DAB1: variants seen among roughly 807,000 people sequenced by gnomAD.
DAB1 encodes the protein DAB adaptor protein 1, also known as disabled homolog 1.
In DAB1, 15 loss-of-function variants were observed where a neutral mutation model predicts 64.6. That is an observed-to-expected ratio of 0.23 (90% CI 0.16 to 0.36). The LOEUF (loss-of-function observed/expected upper bound fraction) is 0.36, where lower values mean the gene tolerates loss of function less well. DAB1 is among the 10% of genes least tolerant of loss of function. The pLI, the probability that DAB1 is intolerant of heterozygous loss-of-function variation, is 1.00. For synonymous variants in DAB1, 235 were observed against 251.9 expected, an observed-to-expected ratio of 0.93 and a Z score of 0.64; for missense variants, 596 against 706.7, an observed-to-expected ratio of 0.84 and a Z score of 1.78.
At chr1:57,233,000 CATG>C (rs1667800422) in intron 2 of DAB1, among the ~76,000 whole-genome samples, 1 of 152,020 alleles carries the variant, frequency 6.6e-6, no homozygotes, top group Non-Finnish European at 1.5e-5. Flanking sequence ...GTTTTCATTG[CATG>C]ATATGTTATT....
intron 1 of DAB1, chr1:57,876,315 C>T (rs1201539945): frequency 6.6e-6 from 1 of 152,110 alleles, no homozygotes; most frequent in Non-Finnish European, 1.5e-5. Context: ...ATAACGATGT[C>T]CCCAGAAGGA....
intron 4 of DAB1, among the ~76,000 whole-genome samples, chr1:57,127,533 CT>C (rs1234044770): frequency 1.3e-5 from 2 of 151,964 alleles, no homozygotes; most frequent in Non-Finnish European, 2.9e-5. Context: ...TCTATTTTTT[CT>C]TTTTTGTCTC....
downstream of DAB1, among the ~76,000 whole-genome samples, chr1:57,825,378 A>T (rs1022472672): frequency 6.6e-6 from 1 of 152,232 alleles, no homozygotes; most frequent in South Asian, 2.1e-4. Flanking sequence ...GTAGAGAACA[A>T]GTAAGTGAGA....
At chr1:58,358,240 C>T (rs1205225160) in intron 3 of DAB1, among the ~76,000 whole-genome samples, 4 of 152,092 alleles carry the variant, frequency 2.6e-5, no homozygotes, top group Non-Finnish European at 5.9e-5. Context: ...TGAGAACAGT[C>T]GGGGAGTTAG....
chr1:57,073,218 G>A (rs1183720752), intron 4 of DAB1, among the ~76,000 whole-genome samples: 2 of 152,118 alleles, frequency 1.3e-5, no homozygotes, highest in East Asian at 1.9e-4. Flanking sequence ...TGCCTGGAAC[G>A]AACTTCCTTA....
intron 7 of DAB1, among the ~76,000 whole-genome samples, chr1:57,520,191 G>C (rs540461128): frequency 6.6e-6 from 1 of 152,306 alleles, no homozygotes; most frequent in South Asian, 2.1e-4. Flanking sequence ...ATGGTGACTG[G>C]AGCATAACTG....
chr1:57,274,703 C>A (rs1671314372), intron 2 of DAB1, among the ~76,000 whole-genome samples: 1 of 152,126 alleles, frequency 6.6e-6, no homozygotes, highest in African/African-American at 2.4e-5. Context: ...GCCTCAGCAT[C>A]CCAAGTAGCT....
At chr1:58,531,826 A>G (rs573305315) in intron 1 of DAB1, among the ~76,000 whole-genome samples, 1 of 152,068 alleles carries the variant, frequency 6.6e-6, no homozygotes, top group South Asian at 2.1e-4. Context: ...CTCCTGCCTC[A>G]GCCTCCCGAG....
At chr1:57,287,287 C>A (rs753637827) in intron 2 of DAB1, among the ~76,000 whole-genome samples, 1 of 152,174 alleles carries the variant, frequency 6.6e-6, no homozygotes, top group Non-Finnish European at 1.5e-5. Flanking sequence ...GTTGCCCAGG[C>A]TGGTCTCAAA....
rs527670308 is a variant in DAB1, at chr1:57,754,262, T to G, written n.552-104597A>C. Among the ~76,000 whole-genome samples, 42 of 152,358 alleles carry G rather than the reference T, an allele frequency of 2.8e-4. 2 individuals carry two copies. In the South Asian group the frequency reaches 8.5e-3, roughly 31 times the overall value. ...TATATGCCTGGCCCCTGTAAATATT[T>G]GAGTTTGCAACTCCCACTTTATGGA... is the stretch of plus-strand genomic sequence containing the variant. On this transcript the variant is annotated intron_variant and non_coding_transcript_variant, in intron 6 of 20. Coordinates refer to the DAB1 transcript ENST00000485760.
At chr1:57,487,095 G>A (rs1163982368) in intron 7 of DAB1, among the ~76,000 whole-genome samples, 2 of 152,190 alleles carry the variant, frequency 1.3e-5, no homozygotes, top group African/African-American at 4.8e-5. Context: ...GGACACAGAA[G>A]AGCAAGCCAG....
chr1:57,158,759 C>T (rs1206914649), intron 2 of DAB1, among the ~76,000 whole-genome samples: 1 of 145,098 alleles, frequency 6.9e-6, no homozygotes, highest in Middle Eastern at 3.4e-3. Context: ...GAAAAACACA[C>T]TTAGGGGGCT....
intron 1 of DAB1, among the ~76,000 whole-genome samples, chr1:57,872,229 C>T (rs1643964161): frequency 6.6e-6 from 1 of 152,150 alleles, no homozygotes; most frequent in Admixed American, 6.6e-5. Flanking sequence ...TGTGTTAAAA[C>T]CTAATTTCCA....
chr1:58,007,673 T>C (rs1346988377), intron 5 of DAB1, among the ~76,000 whole-genome samples: 2 of 152,112 alleles, frequency 1.3e-5, no homozygotes, highest in Non-Finnish European at 2.9e-5. Context: ...CTTTTGAGAG[T>C]TGCTCAAAAG....
intron 5 of DAB1, among the ~76,000 whole-genome samples, chr1:57,941,646 C>G (rs1272535803): frequency 1.3e-5 from 2 of 152,150 alleles, no homozygotes; most frequent in Non-Finnish European, 2.9e-5. Context: ...ACCATCCTGG[C>G]TAACATGGTG....
intron 5 of DAB1, among the ~76,000 whole-genome samples, chr1:58,051,195 C>G (rs927469147): frequency 6.6e-6 from 1 of 151,606 alleles, no homozygotes; most frequent in East Asian, 1.9e-4. Context: ...CTATTCCTCC[C>G]CCAGCCCCCC....
At chr1:58,454,305 C>A (rs1045089233) in intron 3 of DAB1, among the ~76,000 whole-genome samples, 2 of 152,146 alleles carry the variant, frequency 1.3e-5, no homozygotes, top group African/African-American at 4.8e-5. Context: ...AAAGTCAAGA[C>A]TACACGTCCA....
At chr1:57,015,747 G>C (rs1646409973) in intron 11 of DAB1, among the ~76,000 whole-genome samples, 1 of 151,074 alleles carries the variant, frequency 6.6e-6, no homozygotes, top group African/African-American at 2.5e-5. Flanking sequence ...TCAGGGACAG[G>C]GCAGAAGGAT....
chr1:58,036,971 T>C (rs4448540), intron 5 of DAB1, among the ~76,000 whole-genome samples: 17,097 of 152,216 alleles, frequency 0.11, 2,949 homozygotes, highest in African/African-American at 0.37. Context: ...GTCAATGGAA[T>C]ATGATTCTGA....
Sources: gnomAD v4.1 joint callset for allele counts (sites outside exome capture counted in the v4.1 genomes callset) on GRCh38, gnomAD v4.1.1 for gene constraint, MANE v1.5 for transcripts, NCBI Gene and HGNC (gene_info 2026-07-23, HGNC 2026-07-21) for gene names.